The following PDCD1LG2 variants were observed in gnomAD, a reference collection of about 807,000 sequenced individuals.
PDCD1LG2 encodes the protein programmed cell death 1 ligand 2.
In PDCD1LG2, 32 loss-of-function variants were observed where a neutral mutation model predicts 28.2. That is an observed-to-expected ratio of 1.13 (90% CI 0.86 to 1.52). PDCD1LG2 has a LOEUF of 1.52. PDCD1LG2 is among the 40% of genes most tolerant of loss of function. The pLI, the probability that PDCD1LG2 is intolerant of heterozygous loss-of-function variation, is 0.00. For synonymous variants in PDCD1LG2, 116 were observed against 120.2 expected (o/e 0.97, Z 0.23); for missense variants, 385 against 323.8 (o/e 1.19, Z -1.45).
chr9:5,536,803 A>C (rs868314503), intron 3 of PDCD1LG2, among the ~76,000 whole-genome samples: 15 of 152,344 alleles, frequency 9.8e-5, no homozygotes, highest in African/African-American at 2.4e-4. Context: ...GGGCACAGGC[A>C]GTTTTAGGAA....
intron 3 of PDCD1LG2, among the ~76,000 whole-genome samples, chr9:5,541,302 C>T (rs183019125): frequency 2.9e-4 from 44 of 152,244 alleles, no homozygotes; most frequent in Non-Finnish European, 1.2e-4. Flanking sequence ...AGAATTGGAA[C>T]AAGACAAGAC....
chr9:5,528,758 C>T (rs899745431), intron 2 of PDCD1LG2, among the ~76,000 whole-genome samples: 21 of 152,100 alleles, frequency 1.4e-4, no homozygotes, highest in South Asian at 6.2e-4. Flanking sequence ...TTTTTTGAGA[C>T]GCAGTCTCCA....
intron 3 of PDCD1LG2, among the ~76,000 whole-genome samples, 187 bp from the exon 4 acceptor site, chr9:5,549,148 G>C (rs1369778200): frequency 6.6e-6 from 1 of 152,100 alleles, no homozygotes; most frequent in Non-Finnish European, 1.5e-5. Flanking sequence ...TGCATTGTAA[G>C]AATTAAATAA....
chr9:5,535,107 A>C (rs1820555524), intron 3 of PDCD1LG2, 57 bp downstream of exon 3: 3 of 1,449,748 alleles, frequency 2.1e-6, no homozygotes, highest in African/African-American at 2.8e-5. Context: ...GAGGATCTGC[A>C]AGTCACAGAA....
At chr9:5,547,746 G>T (rs1051477462) in intron 3 of PDCD1LG2, among the ~76,000 whole-genome samples, 1 of 152,030 alleles carries the variant, frequency 6.6e-6, no homozygotes, top group Non-Finnish European at 1.5e-5. Context: ...AAACCAGGCT[G>T]ACCAACATGG....
rs1816598311 is a variant in PDCD1LG2, at chr9:5,563,108, G to A, written c.767-54G>A. The A allele has an allele frequency of 8.0e-6, 11 of 1,377,592 alleles. No homozygotes were observed. In the South Asian group the frequency reaches 1.1e-4, roughly 14 times the overall value. 85.3% of individuals were successfully genotyped at this position (1,377,592 alleles called of 1,614,324 possible). A position where few individuals can be genotyped will look rare whatever the true frequency, so the allele number is the denominator to read the frequency against. On this transcript the variant is annotated intron_variant, in intron 5 of 6. Coordinates refer to ENST00000397747, the MANE Select transcript of PDCD1LG2 (RefSeq NM_025239.4). ...TGTCCTGCCATATTTTAATCTATAAGCCAAACAGTTTTCTCATTAATCTTA... is the reference window on the plus strand; with the variant it reads ...TGTCCTGCCATATTTTAATCTATAAACCAAACAGTTTTCTCATTAATCTTA...
intron 6 of PDCD1LG2, among the ~76,000 whole-genome samples, chr9:5,564,741 A>C (rs1017899865): frequency 6.6e-6 from 1 of 151,886 alleles, no homozygotes; most frequent in Non-Finnish European, 1.5e-5. Flanking sequence ...CTCATCTACC[A>C]CTCTTCAACA....
intron 3 of PDCD1LG2, 115 bp from the exon 4 acceptor site, chr9:5,549,220 C>A: frequency 1.0e-6 from 1 of 977,210 alleles, no homozygotes; most frequent in Non-Finnish European, 1.5e-6. Context: ...AAATGATAAC[C>A]ATTATTACTT....
At chr9:5,562,785 T>C (rs1354752998) in intron 5 of PDCD1LG2, among the ~76,000 whole-genome samples, 1 of 152,206 alleles carries the variant, frequency 6.6e-6, no homozygotes, top group Non-Finnish European at 1.5e-5. Context: ...GCAAAATTAA[T>C]TGATCAGACA....
In PDCD1LG2 at chr9:5,524,115, T is replaced by C. The variant is rs1278026029; in HGVS notation, c.55+1514T>C. 3.9e-5 allele frequency among the ~76,000 whole-genome samples: 6 copies of C among 152,218 alleles called. No individual in the cohort carries two copies. The East Asian group carries it at 9.6e-4, about 24-fold the overall frequency. ...ACTGTGCTAGGCAATTTACATATGG[T>C]ATAGTTCATTTAATCTTCACAATGA... is the stretch of plus-strand genomic sequence containing the variant. On this transcript the variant is annotated intron_variant, in intron 2 of 6. Transcript: ENST00000397747.
At chr9:5,558,789 AAGAC>A (rs1223276822) in intron 5 of PDCD1LG2, among the ~76,000 whole-genome samples, 3 of 151,184 alleles carry the variant, frequency 2.0e-5, no homozygotes, top group Admixed American at 6.6e-5. Context: ...CCAAAAGAAA[AAGAC>A]AGAGGGAGGG....
intron 3 of PDCD1LG2, among the ~76,000 whole-genome samples, chr9:5,536,134 C>A (rs1389209276): frequency 1.3e-5 from 2 of 152,162 alleles, no homozygotes; most frequent in Non-Finnish European, 2.9e-5. Flanking sequence ...ACTAGAGGGA[C>A]TGGACATGAG....
chr9:5,556,569 A>G (rs561724828), intron 4 of PDCD1LG2, among the ~76,000 whole-genome samples: 90 of 152,272 alleles, frequency 5.9e-4, no homozygotes, highest in African/African-American at 2.1e-3. Flanking sequence ...CTCAGACTAA[A>G]TAATGTCTAA....
intron 2 of PDCD1LG2, among the ~76,000 whole-genome samples, chr9:5,532,323 G>A (rs1820499173): frequency 6.6e-6 from 1 of 152,210 alleles, no homozygotes. Flanking sequence ...AACAGGGATA[G>A]AGGCAAGCCA....
chr9:5,531,462 C>T (rs1481646453), intron 2 of PDCD1LG2, among the ~76,000 whole-genome samples: 1 of 152,148 alleles, frequency 6.6e-6, no homozygotes, highest in African/African-American at 2.4e-5. Context: ...TTCATGTTTG[C>T]TAATTGCTCT....
chr9:5,538,831 A>G (rs1820634606), intron 3 of PDCD1LG2, among the ~76,000 whole-genome samples: 1 of 152,200 alleles, frequency 6.6e-6, no homozygotes, highest in Non-Finnish European at 1.5e-5. Context: ...GTATATGTGA[A>G]TGTATTTTAT....
chr9:5,563,268 AT>A (rs2129947803), intron 6 of PDCD1LG2, 57 bp downstream of exon 6: 1 of 1,411,360 alleles, frequency 7.1e-7, no homozygotes, highest in East Asian at 2.3e-5. Context: ...CTCAGCTTGA[AT>A]TTTAAAGTAA....
intron 4 of PDCD1LG2, among the ~76,000 whole-genome samples, chr9:5,550,330 T>C (rs1380407496): frequency 6.6e-6 from 1 of 152,230 alleles, no homozygotes; most frequent in East Asian, 1.9e-4. Context: ...TAACAACTTT[T>C]ATCTGCCCAG....
At chr9:5,529,976 C>T (rs1199384002) in intron 2 of PDCD1LG2, among the ~76,000 whole-genome samples, 1 of 139,212 alleles carries the variant, frequency 7.2e-6, no homozygotes, top group South Asian at 2.6e-4. Flanking sequence ...ATGTAAAGCA[C>T]CCCCCCACCC....
Sources: gnomAD v4.1 joint callset for allele counts (sites outside exome capture counted in the v4.1 genomes callset) on GRCh38, gnomAD v4.1.1 for gene constraint, MANE v1.5 for transcripts, NCBI Gene and HGNC (gene_info 2026-07-23, HGNC 2026-07-21) for gene names.